KCNC2: variants seen among roughly 807,000 people sequenced by gnomAD.
The protein encoded by KCNC2 is voltage-gated potassium channel KCNC2.
KCNC2 carries 21 observed loss-of-function variants against 44.5 expected under a neutral mutation model. That is an observed-to-expected ratio of 0.47 (90% CI 0.33 to 0.68). The LOEUF (loss-of-function observed/expected upper bound fraction) is 0.68, where lower values mean the gene tolerates loss of function less well. Ranked by LOEUF, KCNC2 falls within the 30% of genes least tolerant of loss-of-function variation. The probability of loss-of-function intolerance (pLI) is 0.01; values close to 1 mark genes in which losing one functional copy is unlikely to be tolerated. For synonymous variants in KCNC2, 391 were observed against 339.1 expected (o/e 1.15, Z -1.68); for missense variants, 589 against 826.2 (o/e 0.71, Z 3.52).
At chr12:75,150,783 T>C (rs1346373974) in intron 2 of KCNC2, among the ~76,000 whole-genome samples, 1 of 151,912 alleles carries the variant, frequency 6.6e-6, no homozygotes, top group Non-Finnish European at 1.5e-5. Flanking sequence ...TAAATAATGC[T>C]CTTCTGAATA....
chr12:75,192,453 T>C (rs2030376685), intron 2 of KCNC2, among the ~76,000 whole-genome samples: 2 of 152,232 alleles, frequency 1.3e-5, no homozygotes, highest in African/African-American at 4.8e-5. Flanking sequence ...AATGGTGTAC[T>C]TTCTATGGAG....
intron 2 of KCNC2, among the ~76,000 whole-genome samples, chr12:75,199,855 A>C (rs1325219739): frequency 6.6e-6 from 1 of 151,890 alleles, no homozygotes; most frequent in Admixed American, 6.6e-5. Flanking sequence ...CAAAGGAAAA[A>C]TAGGTATCAT....
intron 2 of KCNC2, among the ~76,000 whole-genome samples, chr12:75,153,084 T>C (rs1890518955): frequency 6.6e-6 from 1 of 151,988 alleles, no homozygotes; most frequent in Admixed American, 6.6e-5. Context: ...AAATACTGTA[T>C]TACTTAGTTA....
intron 2 of KCNC2, among the ~76,000 whole-genome samples, chr12:75,184,660 A>G (rs1330445652): frequency 6.6e-6 from 1 of 152,154 alleles, no homozygotes; most frequent in African/African-American, 2.4e-5. Context: ...AAATGCTGCC[A>G]CACATTTATT....
At chr12:75,200,804 C>T (rs868430346) in intron 2 of KCNC2, among the ~76,000 whole-genome samples, 45 of 151,720 alleles carry the variant, frequency 3.0e-4, no homozygotes, top group African/African-American at 1.1e-3. Context: ...CTATTTTCTA[C>T]GTTTATTCTA....
intron 2 of KCNC2, among the ~76,000 whole-genome samples, chr12:75,058,992 G>A (rs904604764): frequency 7.2e-5 from 11 of 151,938 alleles, no homozygotes; most frequent in Non-Finnish European, 1.3e-4. Flanking sequence ...GTACACTCCA[G>A]CAGGTGTTCC....
intron 2 of KCNC2, among the ~76,000 whole-genome samples, chr12:75,139,841 G>A (rs1025857883): frequency 3.9e-5 from 6 of 151,970 alleles, no homozygotes; most frequent in South Asian, 4.2e-4. Context: ...GTATTGCAGC[G>A]GAAGAAAAAC....
intron 2 of KCNC2, among the ~76,000 whole-genome samples, chr12:75,055,776 T>C (rs1159715075): frequency 6.6e-6 from 1 of 152,028 alleles, no homozygotes; most frequent in Admixed American, 6.6e-5. Flanking sequence ...GTCTTCATAG[T>C]CCAGGATCTC....
At chr12:75,075,521 T>G (rs1883873588) in intron 2 of KCNC2, among the ~76,000 whole-genome samples, 1 of 148,994 alleles carries the variant, frequency 6.7e-6, no homozygotes, top group Non-Finnish European at 1.5e-5. Context: ...TACAGCATGT[T>G]ACCTTCTAAT....
chr12:75,185,528 C>A (rs551495978), intron 2 of KCNC2, among the ~76,000 whole-genome samples: 10 of 151,932 alleles, frequency 6.6e-5, no homozygotes, highest in African/African-American at 2.4e-4. Flanking sequence ...TCTCTTTTCC[C>A]TTATGTTATG....
In KCNC2 at chr12:75,188,861, CAATAAATA is replaced by C. The variant is rs10608827; in HGVS notation, c.687+18428_687+18435del. 9.6e-3 allele frequency among the ~76,000 whole-genome samples: 1,369 copies of C among 142,566 alleles called. 7 individuals are homozygous for C. Among genetic ancestry groups the C allele is most frequent in the East Asian group, 0.021 (101 of 4,924 alleles). 93.5% of individuals were successfully genotyped at this position (142,566 alleles called of 152,430 possible). On this transcript the variant is annotated intron_variant, in intron 2 of 4. Coordinates refer to ENST00000549446, the MANE Select transcript of KCNC2 (RefSeq NM_139137.4). ...CTGGTGACAGAGTGAGACTCCATCT[CAATAAATA>C]AATAAATAAATAAATAAATAAATAA...
chr12:75,057,787 C>T (rs973937303), intron 2 of KCNC2, among the ~76,000 whole-genome samples: 1 of 151,638 alleles, frequency 6.6e-6, no homozygotes, highest in African/African-American at 2.4e-5. Flanking sequence ...ATAACATTCA[C>T]TTCTAACATA....
At chr12:75,152,236 A>G (rs1369454944) in intron 2 of KCNC2, among the ~76,000 whole-genome samples, 1 of 151,042 alleles carries the variant, frequency 6.6e-6, no homozygotes, top group African/African-American at 2.4e-5. Context: ...AGCAGAATTA[A>G]TAAAAATAAA....
intron 2 of KCNC2, among the ~76,000 whole-genome samples, chr12:75,061,710 TCC>T (rs1403929786): frequency 5.9e-5 from 9 of 151,836 alleles, no homozygotes; most frequent in African/African-American, 2.2e-4. Flanking sequence ...TAACAGTGAG[TCC>T]TAACGTCAAA....
rs533431563 is a variant in KCNC2 at position 75,075,854 on chromosome 12, A to G, written c.688-24537T>C. ...CCTCCTTTAGAATGGACCTGAATAA[A>G]TTCATAAATTCCTATCTCCACCTGC... On this transcript the variant is annotated intron_variant, in intron 2 of 4. Coordinates refer to ENST00000549446, the MANE Select transcript of KCNC2 (RefSeq NM_139137.4). 5.3e-5 allele frequency among the ~76,000 whole-genome samples: 8 copies of G among 152,242 alleles called. No homozygotes were observed. The East Asian group carries it at 9.6e-4, about 18-fold the overall frequency.
chr12:75,174,051 C>CA (rs1399929164), intron 2 of KCNC2, among the ~76,000 whole-genome samples: 2 of 151,652 alleles, frequency 1.3e-5, no homozygotes, highest in African/African-American at 2.4e-5. Context: ...TCCTTCCCAA[C>CA]AAAAAAGTCA....
intron 4 of KCNC2, chr12:75,044,868 C>A (rs1880303732): frequency 6.6e-6 from 1 of 151,798 alleles, no homozygotes; most frequent in African/African-American, 2.4e-5. Context: ...GTATTCTGAG[C>A]TATAAAACAT....
chr12:75,094,173 T>A (rs1206216385), intron 2 of KCNC2, among the ~76,000 whole-genome samples: 2 of 151,704 alleles, frequency 1.3e-5, no homozygotes, highest in African/African-American at 2.4e-5. Context: ...AATATGATTC[T>A]CTTTTAAAGT....
chr12:75,209,147 T>A (rs1483378480), intron 1 of KCNC2, 60 bp downstream of exon 1: 1 of 152,476 alleles, frequency 6.6e-6, no homozygotes, highest in Non-Finnish European at 1.5e-5. Flanking sequence ...GCCTGCAGGG[T>A]CAACATGCCC....
Sources: gnomAD v4.1 joint callset for allele counts (sites outside exome capture counted in the v4.1 genomes callset) on GRCh38, gnomAD v4.1.1 for gene constraint, MANE v1.5 for transcripts, NCBI Gene and HGNC (gene_info 2026-07-23, HGNC 2026-07-21) for gene names.